Variants in FMN1 observed in about 807,000 individuals in gnomAD.
FMN1 encodes the protein formin-1.
A neutral mutation model predicts 132.4 loss-of-function variants in FMN1; 110 were observed. The observed-to-expected ratio is 0.83, with a 90% confidence interval of 0.71 to 0.97. The LOEUF (loss-of-function observed/expected upper bound fraction) is 0.97. Among genes scored for constraint, FMN1 ranks in the 50% least tolerant of loss-of-function variants. The pLI is 0.00. For synonymous variants in FMN1, 722 were observed against 651.7 expected (o/e 1.11, Z -1.64); for missense variants, 1,792 against 1,705.3 (o/e 1.05, Z -0.90).
intron 5 of FMN1, among the ~76,000 whole-genome samples, chr15:33,082,613 T>C (rs2038527058): frequency 6.6e-6 from 1 of 152,170 alleles, no homozygotes; most frequent in South Asian, 2.1e-4. Context: ...TCTGACTATA[T>C]TCAGTTGCCT....
chr15:32,943,215 C>T (rs1270880969), intron 9 of FMN1, among the ~76,000 whole-genome samples: 7 of 152,290 alleles, frequency 4.6e-5, no homozygotes, highest in East Asian at 1.9e-4. Flanking sequence ...ATAGGGTACA[C>T]GGTCAGCTAT....
intron 5 of FMN1, among the ~76,000 whole-genome samples, chr15:33,069,020 C>T (rs1293763517): frequency 6.6e-6 from 1 of 152,198 alleles, no homozygotes; most frequent in Non-Finnish European, 1.5e-5. Flanking sequence ...CAGTGTAACA[C>T]ACAACCTGCC....
intron 4 of FMN1, among the ~76,000 whole-genome samples, chr15:33,113,059 T>C (rs1015149197): frequency 4.6e-5 from 7 of 152,214 alleles, no homozygotes; most frequent in East Asian, 1.9e-4. Flanking sequence ...AAAATACTTA[T>C]ATCTAAAGTA....
chr15:32,872,482 T>C (rs2059539238), intron 16 of FMN1, among the ~76,000 whole-genome samples: 1 of 152,236 alleles, frequency 6.6e-6, no homozygotes, highest in South Asian at 2.1e-4. Context: ...AGTACTCCTA[T>C]AGGAATGCTT....
intron 4 of FMN1, among the ~76,000 whole-genome samples, chr15:33,133,353 A>G (rs1241240222): frequency 1.3e-5 from 2 of 152,210 alleles, no homozygotes; most frequent in Non-Finnish European, 2.9e-5. Context: ...TGAGCTTCTC[A>G]GAGATCAGTC....
chr15:33,138,729 A>G (rs932613860), intron 4 of FMN1, among the ~76,000 whole-genome samples: 3 of 152,200 alleles, frequency 2.0e-5, no homozygotes, highest in African/African-American at 7.2e-5. Flanking sequence ...AATCTGGCTC[A>G]GATATCGGTT....
At chr15:33,022,012 T>A (rs1165628104) in intron 6 of FMN1, among the ~76,000 whole-genome samples, 1 of 152,162 alleles carries the variant, frequency 6.6e-6, no homozygotes, top group African/African-American at 2.4e-5. Flanking sequence ...AATAAAGTCA[T>A]CCCTTGGTGG....
chr15:32,875,629 C>T (rs1562933), intron 16 of FMN1, among the ~76,000 whole-genome samples: 94 of 152,022 alleles, frequency 6.2e-4, no homozygotes, highest in African/African-American at 2.1e-3. Context: ...AAAGAATCTA[C>T]GAGAGATAAG....
chr15:32,876,786 G>A (rs2059647073), intron 16 of FMN1, among the ~76,000 whole-genome samples: 1 of 152,156 alleles, frequency 6.6e-6, no homozygotes, highest in South Asian at 2.1e-4. Context: ...GAGTATGTAG[G>A]GAAGACCTAT....
At chr15:32,971,740 G>C (rs891733968) in intron 7 of FMN1, among the ~76,000 whole-genome samples, 1 of 152,136 alleles carries the variant, frequency 6.6e-6, no homozygotes, top group African/African-American at 2.4e-5. Context: ...GAGTTTCAAA[G>C]ACATACTGCA....
chr15:32,981,518 A>AAATAAT lies in FMN1; in HGVS notation c.2224-12047_2224-12042dup, dbSNP rs34776483. ...GGGCAACAGAGCAAGACTCCATCTC[A>AAATAAT]AATAATAATAATAATAATAATAATA... On this transcript the variant is annotated intron_variant, in intron 7 of 20. Coordinates refer to ENST00000616417, the MANE Select transcript of FMN1 (RefSeq NM_001277313.2). Among the ~76,000 whole-genome samples the AAATAAT allele has an allele frequency of 6.9e-3, 972 of 140,608 alleles. 8 individuals are homozygous for AAATAAT. The highest frequency in any genetic ancestry group is 0.026 in the Middle Eastern group (7 of 274). The allele number at this position is 140,608 out of a possible 152,430, so 92.2% of individuals were successfully genotyped here. A position where few individuals can be genotyped will look rare whatever the true frequency, so the allele number is the denominator to read the frequency against.
chr15:33,044,838 A>G (rs576525789), intron 6 of FMN1, among the ~76,000 whole-genome samples: 4 of 152,308 alleles, frequency 2.6e-5, no homozygotes, highest in African/African-American at 9.6e-5. Context: ...CTATTGTTCA[A>G]TAAAGCTCCT....
chr15:32,823,229 T>G (rs2058277595), intron 17 of FMN1, among the ~76,000 whole-genome samples: 1 of 140,778 alleles, frequency 7.1e-6, no homozygotes, highest in African/African-American at 2.7e-5. Flanking sequence ...TGGCTCAATC[T>G]CGGCTCACTG....
intron 4 of FMN1, among the ~76,000 whole-genome samples, chr15:33,089,982 C>G (rs2141364350): frequency 6.6e-6 from 1 of 152,298 alleles, no homozygotes; most frequent in South Asian, 2.1e-4. Context: ...ATAGGGTTTT[C>G]CAAACTTATT....
chr15:33,157,612 GT>G (rs950007241), intron 3 of FMN1, among the ~76,000 whole-genome samples: 5 of 152,064 alleles, frequency 3.3e-5, no homozygotes, highest in South Asian at 2.1e-4. Context: ...GAATAGAGGA[GT>G]TTTTTTTGTT....
intron 17 of FMN1, among the ~76,000 whole-genome samples, chr15:32,817,847 T>G (rs1365212873): frequency 6.6e-6 from 1 of 152,212 alleles, no homozygotes; most frequent in Admixed American, 6.5e-5. Context: ...GAGAAAAAGC[T>G]TTTGTTGAAG....
chr15:32,834,582 C>T (rs1192039221), intron 17 of FMN1, among the ~76,000 whole-genome samples: 1 of 152,310 alleles, frequency 6.6e-6, no homozygotes, highest in Non-Finnish European at 1.5e-5. Context: ...CATCCAAGCT[C>T]TGTTCATCTA....
At chr15:32,807,501 A>T (rs2057722807) in intron 17 of FMN1, among the ~76,000 whole-genome samples, 1 of 152,246 alleles carries the variant, frequency 6.6e-6, no homozygotes, top group Non-Finnish European at 1.5e-5. Flanking sequence ...ATAGCCAAAC[A>T]GGAGGAAAAA....
chr15:33,075,359 G>A (rs769135903), intron 5 of FMN1, among the ~76,000 whole-genome samples: 1 of 152,108 alleles, frequency 6.6e-6, no homozygotes, highest in Non-Finnish European at 1.5e-5. Flanking sequence ...AACAGCCCAA[G>A]CAGGAAGTTT....
Sources: gnomAD v4.1 joint callset for allele counts (sites outside exome capture counted in the v4.1 genomes callset) on GRCh38, gnomAD v4.1.1 for gene constraint, MANE v1.5 for transcripts, NCBI Gene and HGNC (gene_info 2026-07-23, HGNC 2026-07-21) for gene names.